EIF3J: variants seen among roughly 807,000 people sequenced by gnomAD.
EIF3J encodes eukaryotic translation initiation factor 3 subunit J.
EIF3J carries 15 observed loss-of-function variants against 39.0 expected under a neutral mutation model. The ratio of observed to expected loss-of-function variants is 0.38; its 90% CI spans 0.26 to 0.59. EIF3J has a LOEUF of 0.59. Ranked by LOEUF, EIF3J falls within the 20% of genes least tolerant of loss-of-function variation. EIF3J has a pLI of 0.60. For missense variants in EIF3J, 226 were observed against 308.6 expected (o/e 0.73, Z 2.00); for synonymous variants, 98 against 112.9 (o/e 0.87, Z 0.84).
At chr15:44,544,287 AG>A (rs2082035682) in intron 2 of EIF3J, among the ~76,000 whole-genome samples, 1 of 151,044 alleles carries the variant, frequency 6.6e-6, no homozygotes, top group Non-Finnish European at 1.5e-5. Flanking sequence ...TAGTAGAAAC[AG>A]GGGTTTGCCA....
At chr15:44,549,217 A>C (rs1436702033) in intron 2 of EIF3J, among the ~76,000 whole-genome samples, 1 of 151,340 alleles carries the variant, frequency 6.6e-6, no homozygotes, top group Admixed American at 6.6e-5. Flanking sequence ...AACATGGACA[A>C]ACCCCATCTC....
At chr15:44,559,116 T>C (rs2082168768) in intron 6 of EIF3J, 1 of 152,024 alleles carries the variant, frequency 6.6e-6, no homozygotes, top group African/African-American at 2.4e-5. Context: ...ATTGTCATTC[T>C]GGCCGGGCGT....
chr15:44,543,703 C>A (rs1313897280), intron 2 of EIF3J, among the ~76,000 whole-genome samples: 2 of 152,140 alleles, frequency 1.3e-5, no homozygotes, highest in East Asian at 3.9e-4. Flanking sequence ...TGAGTCACCA[C>A]GCCTGGCCAG....
intron 2 of EIF3J, among the ~76,000 whole-genome samples, chr15:44,538,128 T>C (rs867763642): frequency 1.3e-5 from 2 of 152,008 alleles, no homozygotes; most frequent in Non-Finnish European, 2.9e-5. Context: ...TAAGGAAATA[T>C]TGAAGATTTG....
At chr15:44,537,638 T>A (rs1239522110) in intron 2 of EIF3J, among the ~76,000 whole-genome samples, 4 of 152,050 alleles carry the variant, frequency 2.6e-5, no homozygotes, top group Admixed American at 2.6e-4. Flanking sequence ...CGGTTGAGAG[T>A]CTGCTCTCCG....
chr15:44,546,114 G>C (rs766213888), intron 2 of EIF3J, among the ~76,000 whole-genome samples: 7 of 152,276 alleles, frequency 4.6e-5, no homozygotes, highest in Non-Finnish European at 8.8e-5. Context: ...AAAATGCCTA[G>C]TAATTCACTT....
chr15:44,549,301 G>A (rs2082078849), intron 2 of EIF3J, among the ~76,000 whole-genome samples: 1 of 152,060 alleles, frequency 6.6e-6, no homozygotes, highest in Admixed American at 6.6e-5. Context: ...TGAGGCAGGA[G>A]AATTGCTTGA....
rs146619737 is a variant in EIF3J, at chr15:44,545,031, C to T, written c.148-5845C>T. On this transcript the variant is annotated intron_variant, in intron 2 of 7. Coordinates refer to ENST00000261868, the MANE Select transcript of EIF3J (RefSeq NM_003758.4). ...AAAAAAAAAAAGATCAGTAGAGAAC[C>T]ACTACAGGCAATTTAAGGTGAGAAG... 6.8e-3 allele frequency among the ~76,000 whole-genome samples: 1,039 copies of T among 151,952 alleles called. 16 individuals are homozygous for T. The highest frequency in any genetic ancestry group is 0.046 in the East Asian group (238 of 5,174).
chr15:44,553,814 T>G (rs2082121151), intron 4 of EIF3J, among the ~76,000 whole-genome samples: 1 of 152,206 alleles, frequency 6.6e-6, no homozygotes, highest in Non-Finnish European at 1.5e-5. Flanking sequence ...AATACTTGAT[T>G]AAAGCATGTA....
chr15:44,547,342 C>A (rs562608675), intron 2 of EIF3J, among the ~76,000 whole-genome samples: 1 of 150,664 alleles, frequency 6.6e-6, no homozygotes, highest in African/African-American at 2.4e-5. Context: ...GGGGTTTCTC[C>A]ATGTTGGTCA....
Position 44,561,739 on chromosome 15 carries a change from G to A in EIF3J, c.*590G>A, listed in dbSNP as rs1437301039. Reference sequence around the variant, plus strand: ...AAAACCCTCCAACTTTGAAGCTAAAGAAGGTAAACCTTTCCATTATTGCAT... The same window carrying A: ...AAAACCCTCCAACTTTGAAGCTAAAAAAGGTAAACCTTTCCATTATTGCAT... On this transcript the variant is annotated 3_prime_UTR_variant, in exon 8 of 8. Coordinates refer to ENST00000261868, the MANE Select transcript of EIF3J (RefSeq NM_003758.4). The A allele has an allele frequency of 1.3e-5, 2 of 152,688 alleles. No homozygotes were observed. Among genetic ancestry groups the A allele is most frequent in the East Asian group, 3.9e-4 (2 of 5,188 alleles). The allele number at this position is 152,688 out of a possible 1,614,324, so 9.5% of individuals were successfully genotyped here.
At chr15:44,543,667 C>A (rs1450728324) in intron 2 of EIF3J, among the ~76,000 whole-genome samples, 1 of 152,150 alleles carries the variant, frequency 6.6e-6, no homozygotes, top group Non-Finnish European at 1.5e-5. Flanking sequence ...CTGCCTTGGC[C>A]TCCCAAAGTG....
chr15:44,558,400 G>A (rs916099051), intron 6 of EIF3J, among the ~76,000 whole-genome samples: 8 of 151,678 alleles, frequency 5.3e-5, no homozygotes, highest in Non-Finnish European at 2.9e-5. Context: ...TCAGGAGATT[G>A]TAGACCATCC....
chr15:44,551,854 G>A (rs1463041222), intron 4 of EIF3J, among the ~76,000 whole-genome samples: 2 of 150,102 alleles, frequency 1.3e-5, no homozygotes, highest in Non-Finnish European at 3.0e-5. Context: ...TTTTGGAGAC[G>A]GAGTCTTGCT....
chr15:44,542,230 T>TA (rs944099983), intron 2 of EIF3J, among the ~76,000 whole-genome samples: 26 of 152,156 alleles, frequency 1.7e-4, no homozygotes, highest in African/African-American at 6.3e-4. Context: ...TTTTGGCTTT[T>TA]AAAAAACTGA....
intron 5 of EIF3J, among the ~76,000 whole-genome samples, chr15:44,555,269 A>G (rs1453150450): frequency 1.3e-5 from 2 of 152,218 alleles, no homozygotes; most frequent in African/African-American, 2.4e-5. Flanking sequence ...GAAATAGTCA[A>G]AGCCCTCGCT....
chr15:44,561,032 AAAG>A lies in EIF3J; in HGVS notation c.669_671del (p.Lys224del), dbSNP rs1344031543. 11 of 1,613,398 alleles carry A rather than the reference AAAG, an allele frequency of 6.8e-6. No homozygotes were observed. The highest frequency in any genetic ancestry group is 2.2e-5 in the East Asian group (1 of 44,876). On this transcript the variant is annotated inframe_deletion, in exon 8 of 8. Transcript: ENST00000261868. ...TTCATCTTTAGCAAAGCAAAGCCAA[AAAG>A]AAGAAGAAAGGTGTGGTTCCTGGAG... is the stretch of plus-strand genomic sequence containing the variant.
rs2082043672 is a variant in EIF3J at position 44,545,163 on chromosome 15, G to A, written c.148-5713G>A. Among the ~76,000 whole-genome samples the A allele has an allele frequency of 2.0e-5, 3 of 152,236 alleles. No homozygotes were observed. The South Asian group carries it at 6.2e-4, about 32-fold the overall frequency. ...AGGAGAGGGACTTAGTTCCCAGTTA[G>A]TTATTTTATACTTCAGGACTCAGGG... On this transcript the variant is annotated intron_variant, in intron 2 of 7. Transcript: ENST00000261868.
chr15:44,562,204 T>TAAAACATGAGTGA lies in EIF3J; in HGVS notation c.*1056_*1068dup. The TAAAACATGAGTGA allele has an allele frequency of 6.5e-6, 1 of 152,782 alleles. No individual in the cohort carries two copies. The highest frequency in any genetic ancestry group is 2.1e-4 in the South Asian group (1 of 4,834). The allele number at this position is 152,782 out of a possible 1,614,324, so 9.5% of individuals were successfully genotyped here. On this transcript the variant is annotated 3_prime_UTR_variant, in exon 8 of 8. Transcript: ENST00000261868. The stretch of plus-strand genomic sequence containing the variant: ...TAAATGCTTGACATAGTTACAGCTT[T>TAAAACATGAGTGA]AAAACATGAGTGATTTGCCAGGTCC...
Sources: gnomAD v4.1 joint callset for allele counts (sites outside exome capture counted in the v4.1 genomes callset) on GRCh38, gnomAD v4.1.1 for gene constraint, MANE v1.5 for transcripts, NCBI Gene and HGNC (gene_info 2026-07-23, HGNC 2026-07-21) for gene names.